The following KLRG1 variants were observed in gnomAD, a reference collection of about 807,000 sequenced individuals.
The protein encoded by KLRG1 is killer cell lectin-like receptor subfamily G member 1.
A neutral mutation model predicts 21.8 loss-of-function variants in KLRG1; 16 were observed. The observed-to-expected ratio is 0.73, with a 90% confidence interval of 0.50 to 1.11. KLRG1 has a LOEUF of 1.11. Ranked by LOEUF, KLRG1 falls within the 50% of genes most tolerant of loss-of-function variation. The probability of loss-of-function intolerance (pLI) is 0.00; values close to 1 mark genes in which losing one functional copy is unlikely to be tolerated. For missense variants in KLRG1, 173 were observed against 218.3 expected (o/e 0.79, Z 1.31); for synonymous variants, 69 against 75.9 (o/e 0.91, Z 0.47).
the KLRG1 span, chr12:9,070,629 TTTC>T: frequency 2.3e-6 from 3 of 1,303,624 alleles, no homozygotes; most frequent in Non-Finnish European, 3.3e-6. Context: ...TTTTAAATAT[TTTC>T]TTCTTCTATG....
At chr12:8,997,908 TC>T (rs1947183530) in intron 3 of KLRG1, among the ~76,000 whole-genome samples, 2 of 152,034 alleles carry the variant, frequency 1.3e-5, no homozygotes, top group South Asian at 4.2e-4. Context: ...TGCCTTAGCC[TC>T]CCAAGTAACT....
the KLRG1 span, among the ~76,000 whole-genome samples, chr12:9,105,754 T>C: frequency 2.6e-5 from 4 of 152,196 alleles, no homozygotes; most frequent in African/African-American, 9.7e-5. Context: ...ATAGTGTAAA[T>C]ATACTATCCA....
chr12:9,144,983 G>C, the KLRG1 span, among the ~76,000 whole-genome samples: 1 of 152,184 alleles, frequency 6.6e-6, no homozygotes, highest in African/African-American at 2.4e-5. Flanking sequence ...TGATACTCCT[G>C]CCCTGTCACC....
At chr12:9,154,504 T>C in the KLRG1 span, 783 of 1,063,714 alleles carry the variant, frequency 7.4e-4, 3 homozygotes, top group Admixed American at 2.6e-3. Flanking sequence ...TATTCCTAAA[T>C]ACTTCTTCAA....
chr12:9,159,599 G>C, the KLRG1 span, among the ~76,000 whole-genome samples: 1 of 151,904 alleles, frequency 6.6e-6, no homozygotes, highest in East Asian at 1.9e-4. Context: ...CATAAGAAGA[G>C]GAGGAGATGC....
chr12:8,969,535 A>G (rs754464439), intron 1 of KLRG1, among the ~76,000 whole-genome samples: 3 of 144,902 alleles, frequency 2.1e-5, no homozygotes, highest in Admixed American at 6.8e-5. Flanking sequence ...TATTTTAGTT[A>G]AAAAAAAAAG....
At chr12:8,955,763 T>A (rs1946281465) in intron 1 of KLRG1, among the ~76,000 whole-genome samples, 1 of 152,076 alleles carries the variant, frequency 6.6e-6, no homozygotes, top group Non-Finnish European at 1.5e-5. Context: ...AATGGACAGA[T>A]ACTGATAGTG....
At chr12:9,191,195 TATAAA>T in the KLRG1 span, among the ~76,000 whole-genome samples, 1 of 152,120 alleles carries the variant, frequency 6.6e-6, no homozygotes, top group Admixed American at 6.5e-5. Flanking sequence ...ATTGGAATAT[TATAAA>T]AGAAAAAATC....
At chr12:8,980,968 T>C (rs952525496) in intron 1 of KLRG1, among the ~76,000 whole-genome samples, 8 of 152,336 alleles carry the variant, frequency 5.3e-5, no homozygotes, top group Non-Finnish European at 1.2e-4. Flanking sequence ...GGAATGGGGT[T>C]ACACAGGTAA....
At chr12:9,051,123 TCCTC>T in the KLRG1 span, among the ~76,000 whole-genome samples, 8 of 151,914 alleles carry the variant, frequency 5.3e-5, no homozygotes, top group Non-Finnish European at 1.2e-4. Context: ...GGCACACACT[TCCTC>T]CCCTCCGAGG....
the KLRG1 span, among the ~76,000 whole-genome samples, chr12:9,118,089 A>G: frequency 2.9e-3 from 442 of 152,288 alleles, 2 homozygotes; most frequent in African/African-American, 0.01. Context: ...ATGAAAGAGA[A>G]TATAATAAAA....
the KLRG1 span, among the ~76,000 whole-genome samples, chr12:9,081,952 G>T: frequency 2.0e-5 from 3 of 152,216 alleles, no homozygotes; most frequent in Non-Finnish European, 4.4e-5. Flanking sequence ...AAACTGAGCT[G>T]GTCACTTTCA....
At chr12:9,098,807 T>A in the KLRG1 span, 1 of 1,591,854 alleles carries the variant, frequency 6.3e-7, no homozygotes, top group South Asian at 1.1e-5. Context: ...GGTTTACCCA[T>A]GCATTCACTC....
At chr12:9,107,429 A>G in the KLRG1 span, 1 of 1,449,298 alleles carries the variant, frequency 6.9e-7, no homozygotes, top group Non-Finnish European at 9.4e-7. Flanking sequence ...TCTCTTCTAG[A>G]TTGTTCTCTT....
intron 3 of KLRG1, among the ~76,000 whole-genome samples, chr12:8,998,066 G>A (rs1303601385): frequency 3.7e-4 from 57 of 152,164 alleles, no homozygotes; most frequent in Admixed American, 3.7e-3. Context: ...AGTGGCTCCT[G>A]CCTGTAATCC....
At chr12:9,170,282 T>TG in the KLRG1 span, among the ~76,000 whole-genome samples, 7 of 152,260 alleles carry the variant, frequency 4.6e-5, no homozygotes, top group African/African-American at 1.7e-4. This position sits in a 1 kb window ranked among gnomAD's most constrained non-coding sequence, Gnocchi z 4.6. Flanking sequence ...CTGCAACCCA[T>TG]GGATCAGGAG....
At chr12:9,063,506 G>C in the KLRG1 span, among the ~76,000 whole-genome samples, 11 of 152,242 alleles carry the variant, frequency 7.2e-5, no homozygotes, top group Admixed American at 2.0e-4. Context: ...ATAAACTTCA[G>C]TTCACAAAAT....
chr12:9,160,590 GT>G, the KLRG1 span: 1 of 1,126,686 alleles, frequency 8.9e-7, no homozygotes, highest in Non-Finnish European at 1.3e-6. Context: ...TATCATTTAG[GT>G]AAGAGAAAAG....
the KLRG1 span, chr12:9,101,387 A>T: frequency 1.4e-6 from 2 of 1,432,694 alleles, no homozygotes; most frequent in Non-Finnish European, 9.7e-7. Flanking sequence ...CTTCATGATT[A>T]CTTGCTCCAC....
Sources: allele counts gnomAD v4.1 joint callset (sites outside exome capture counted in the v4.1 genomes callset), GRCh38; gene constraint gnomAD v4.1.1; non-coding constraint Gnocchi (gnomAD v3.1); transcripts MANE v1.5; gene names NCBI Gene and HGNC (gene_info 2026-07-23, HGNC 2026-07-21).